Variants in ZNF568 observed in about 807,000 individuals in gnomAD.
ZNF568 encodes p53 inhibitor of SCO2 activation.
Under a neutral mutation model 18.1 loss-of-function variants are expected in ZNF568, and 11 were observed. The ratio of observed to expected loss-of-function variants is 0.61; its 90% CI spans 0.38 to 1.00. The LOEUF (loss-of-function observed/expected upper bound fraction) is 1.00, where lower values mean the gene tolerates loss of function less well. Ranked by LOEUF, ZNF568 falls within the 50% of genes least tolerant of loss-of-function variation. The pLI, the probability that ZNF568 is intolerant of heterozygous loss-of-function variation, is 0.01. For synonymous variants in ZNF568, 213 were observed against 246.6 expected (o/e 0.86, Z 1.28); for missense variants, 639 against 768.2 (o/e 0.83, Z 1.99).
chr19:36,946,150 C>G (rs1220775768), intron 6 of ZNF568, among the ~76,000 whole-genome samples: 2 of 151,854 alleles, frequency 1.3e-5, no homozygotes, highest in Non-Finnish European at 2.9e-5. Flanking sequence ...AAATGGTTAT[C>G]TATAGGGCAA....
At chr19:36,987,166 T>C (rs2074383015) in intron 2 of ZNF568, among the ~76,000 whole-genome samples, 1 of 152,136 alleles carries the variant, frequency 6.6e-6, no homozygotes, top group Non-Finnish European at 1.5e-5. Context: ...GTGTGCAGTG[T>C]ACAGCAGTAA....
chr19:36,987,277 G>T (rs2146345839), intron 2 of ZNF568, among the ~76,000 whole-genome samples: 1 of 152,274 alleles, frequency 6.6e-6, no homozygotes, highest in African/African-American at 2.4e-5. Flanking sequence ...TGGAACTGTG[G>T]TTTCATGCAT....
chr19:36,950,858 C>T lies in ZNF568; in HGVS notation c.1705C>T (p.Arg569Ter), dbSNP rs557620968. 2.0e-5 allele frequency: 32 copies of T among 1,613,308 alleles called. No individual in the cohort carries two copies. Among genetic ancestry groups the T allele is most frequent in the South Asian group, 9.9e-5 (9 of 90,986 alleles). The change falls in exon 7 of 7, where the codon CGA becomes TGA. Residue 569 changes from arginine to a stop codon, truncating the protein, a stop_gained. Transcript: ENST00000333987. LOFTEE classifies it low-confidence loss of function (END_TRUNC). ...TAATGAATGTGGTAAAGCCTTCTCT[C>T]GAATCTCATCCCTCACTCTTCATGT... is the stretch of plus-strand genomic sequence containing the variant. ...KCNECGKAFS[R>*]ISSLTLHVRS...
chr19:36,927,873 T>TAA (rs2073589504), intron 4 of ZNF568, among the ~76,000 whole-genome samples: 1 of 57,928 alleles, frequency 1.7e-5, no homozygotes, highest in Non-Finnish European at 2.8e-5. Flanking sequence ...TATATATATA[T>TAA]ATATATATAT....
intron 6 of ZNF568, among the ~76,000 whole-genome samples, chr19:36,971,957 C>T (rs1267117347): frequency 2.6e-5 from 4 of 151,396 alleles, no homozygotes; most frequent in Non-Finnish European, 5.9e-5. Context: ...CTCTTAGCCT[C>T]CTGAGTAGCT....
chr19:36,974,533 A>G, intron 7 of ZNF568: 1 of 1,396,230 alleles, frequency 7.2e-7, no homozygotes, highest in South Asian at 1.2e-5. Flanking sequence ...CTATTTCAGA[A>G]ATTTATCTAA....
At chr19:36,991,216 A>G (rs1480905043) in exon 3 of ZNF568, 6 of 1,536,238 alleles carry the variant, frequency 3.9e-6, no homozygotes, top group Non-Finnish European at 5.2e-6. Flanking sequence ...TTCTCTCAAA[A>G]GGAGTGGGAA....
chr19:36,974,457 G>A (rs2074264075), exon 7 of ZNF568: 1 of 1,536,100 alleles, frequency 6.5e-7, no homozygotes, highest in South Asian at 1.2e-5. Flanking sequence ...CGTCTGAAGT[G>A]ATGGCGGAGG....
chr19:36,933,529 G>A (rs754098054), intron 4 of ZNF568, among the ~76,000 whole-genome samples: 18 of 152,072 alleles, frequency 1.2e-4, no homozygotes, highest in South Asian at 2.1e-4. Flanking sequence ...TTGGTATGAT[G>A]TATTACATTA....
At chr19:36,922,945 A>G (rs2073483246) in intron 3 of ZNF568, 99 bp downstream of exon 3, 1 of 952,578 alleles carries the variant, frequency 1.0e-6, no homozygotes, top group South Asian at 1.6e-5. Flanking sequence ...AAGGTCACGT[A>G]TGTTAATTGA....
At chr19:36,937,531 C>T (rs569098279) in intron 6 of ZNF568, among the ~76,000 whole-genome samples, 1 of 152,176 alleles carries the variant, frequency 6.6e-6, no homozygotes, top group Non-Finnish European at 1.5e-5. Flanking sequence ...TTGTTCCTCT[C>T]TCTATGATCC....
intron 4 of ZNF568, among the ~76,000 whole-genome samples, chr19:36,933,907 T>G (rs1600788542): frequency 8.6e-5 from 3 of 34,766 alleles, no homozygotes; most frequent in African/African-American, 4.6e-4. Context: ...AGGTTTTTTT[T>G]TTTGTTTTGT....
chr19:36,958,873 G>A (rs1026934416), intron 6 of ZNF568, among the ~76,000 whole-genome samples: 13 of 151,580 alleles, frequency 8.6e-5, no homozygotes, highest in South Asian at 6.3e-4. Flanking sequence ...GAACCTCCTC[G>A]GCCTCCCAAA....
intron 4 of ZNF568, among the ~76,000 whole-genome samples, chr19:36,930,534 T>C (rs1435634623): frequency 6.6e-6 from 1 of 152,168 alleles, no homozygotes; most frequent in African/African-American, 2.4e-5. Flanking sequence ...TTATATGAGA[T>C]TTATGCTAAG....
chr19:36,964,563 C>T (rs946569539), intron 6 of ZNF568, among the ~76,000 whole-genome samples: 1 of 152,156 alleles, frequency 6.6e-6, no homozygotes, highest in South Asian at 2.1e-4. Flanking sequence ...CTATAATCCT[C>T]GCACTTTGGG....
At chr19:36,918,168 TCTC>T (rs551911224) in intron 2 of ZNF568, among the ~76,000 whole-genome samples, 124 of 152,252 alleles carry the variant, frequency 8.1e-4, no homozygotes, top group African/African-American at 2.9e-3. Context: ...CCATGGTAGA[TCTC>T]CTGACCTCGT....
At chr19:36,935,333 G>A (rs1439716485) in intron 4 of ZNF568, among the ~76,000 whole-genome samples, 5 of 152,076 alleles carry the variant, frequency 3.3e-5, no homozygotes, top group South Asian at 2.1e-4. Flanking sequence ...AGGCTGAGGC[G>A]GGTGGATCAC....
At chr19:36,988,898 T>G (rs1311222692) in intron 2 of ZNF568, among the ~76,000 whole-genome samples, 2 of 152,160 alleles carry the variant, frequency 1.3e-5, no homozygotes, top group Non-Finnish European at 2.9e-5. Flanking sequence ...ATATACAATA[T>G]TTTATTGTTA....
Position 36,951,250 on chromosome 19 carries a change from A to G in ZNF568, c.*162A>G, listed in dbSNP as rs2074056119. 3 of 597,046 alleles carry G rather than the reference A, an allele frequency of 5.0e-6. No homozygotes were observed. Among genetic ancestry groups the G allele is most frequent in the Non-Finnish European group, 7.5e-6 (3 of 402,000 alleles). 37.0% of individuals were successfully genotyped at this position (597,046 alleles called of 1,614,324 possible). On this transcript the variant is annotated 3_prime_UTR_variant, in exon 7 of 7. Coordinates refer to ENST00000333987, the MANE Select transcript of ZNF568 (RefSeq NM_198539.4). ...ACCATATACATAGATGGAAAAACCC[A>G]GTATTATAAAAACCTCAATTCTGAA...
Sources: allele counts gnomAD v4.1 joint callset (sites outside exome capture counted in the v4.1 genomes callset), GRCh38; gene constraint gnomAD v4.1.1; transcripts MANE v1.5; gene names NCBI Gene and HGNC (gene_info 2026-07-23, HGNC 2026-07-21).